Variants in KMT2A observed in about 807,000 individuals in gnomAD.
KMT2A encodes the protein lysine methyltransferase 2A.
Under a neutral mutation model 345.3 loss-of-function variants are expected in KMT2A, and 16 were observed. That is an observed-to-expected ratio of 0.05 (90% CI 0.03 to 0.07). The LOEUF (loss-of-function observed/expected upper bound fraction) is 0.07, where lower values mean the gene tolerates loss of function less well. Among genes scored for constraint, KMT2A ranks in the 10% least tolerant of loss-of-function variants. The pLI is 1.00. For missense variants in KMT2A, 3,272 were observed against 4,841.6 expected (o/e 0.68, Z 9.62); for synonymous variants, 1,599 against 1,778.6 (o/e 0.90, Z 2.54).
Position 118,489,780 on chromosome 11 carries a change from A to G in KMT2A, c.4480-12A>G, listed in dbSNP as rs1269832077. ...ATGATGCTTATCTTTTTGCCATTATATTTTCTTACAGCAGCTGCTGGAGTG... is the reference window on the plus strand; with the variant it reads ...ATGATGCTTATCTTTTTGCCATTATGTTTTCTTACAGCAGCTGCTGGAGTG... On this transcript the variant is annotated splice_polypyrimidine_tract_variant and intron_variant, in intron 11 of 35. Transcript: ENST00000534358. The G allele has an allele frequency of 1.2e-6, 2 of 1,612,684 alleles. No homozygotes were observed. The highest frequency in any genetic ancestry group is 2.2e-5 in the East Asian group (1 of 44,876).
At chr11:118,458,046 C>T (rs1949680018) in intron 1 of KMT2A, 4 of 271,110 alleles carry the variant, frequency 1.5e-5, no homozygotes, top group South Asian at 8.7e-5. Flanking sequence ...AGGGCATTCT[C>T]CCTATGCATT....
chr11:118,485,025 C>T, intron 10 of KMT2A, 50 bp downstream of exon 10: 1 of 1,123,734 alleles, frequency 8.9e-7, no homozygotes. Flanking sequence ...AATTATTTTT[C>T]TGTGGATGAA....
chr11:118,493,017 T>A lies in KMT2A; in HGVS notation c.5005-40T>A. On this transcript the variant is annotated intron_variant, in intron 15 of 35. Coordinates refer to ENST00000534358, the MANE Select transcript of KMT2A (RefSeq NM_001197104.2). The surrounding 1 kb of genome is among the most constrained non-coding windows in gnomAD (Gnocchi z 5.8). Reference sequence around the variant, plus strand: ...TAGAATTTACATGGACACCTTGGTTTTAGTGTTAGATAAAAGCAACATATC... The same window carrying A: ...TAGAATTTACATGGACACCTTGGTTATAGTGTTAGATAAAAGCAACATATC... The A allele has an allele frequency of 6.4e-7, 1 of 1,553,838 alleles. No individual in the cohort carries two copies. Among genetic ancestry groups the A allele is most frequent in the African/African-American group, 1.4e-5 (1 of 73,424 alleles).
At chr11:118,442,243 A>G (rs1949329774) in intron 1 of KMT2A, among the ~76,000 whole-genome samples, 3 of 152,204 alleles carry the variant, frequency 2.0e-5, no homozygotes, top group Admixed American at 1.3e-4. Context: ...AGAAGGGGGA[A>G]GCTTTGTGAC....
At chr11:118,462,725 A>AT (rs1949769086) in intron 1 of KMT2A, among the ~76,000 whole-genome samples, 1 of 151,782 alleles carries the variant, frequency 6.6e-6, no homozygotes, top group Non-Finnish European at 1.5e-5. Flanking sequence ...CGCCCGGCTA[A>AT]TTTTTTTGTA....
intron 31 of KMT2A, among the ~76,000 whole-genome samples, chr11:118,512,910 C>T (rs1591296551): frequency 6.6e-6 from 1 of 151,700 alleles, no homozygotes; most frequent in East Asian, 1.9e-4. Context: ...AGGCAGCATA[C>T]AAACTTATTA....
intron 1 of KMT2A, among the ~76,000 whole-genome samples, chr11:118,466,948 ATGCAGGAGGCTGAGGCAGGAGTATCACT>A (rs1949855593): frequency 6.6e-6 from 1 of 152,178 alleles, no homozygotes; most frequent in Non-Finnish European, 1.5e-5. Flanking sequence ...AGTCCGAGCT[ATGCAGGAGGCTGAGGCAGGAGTATCACT>A]TGAGACCAGG....
intron 1 of KMT2A, among the ~76,000 whole-genome samples, chr11:118,454,461 T>C (rs1285141369): frequency 1.3e-5 from 2 of 152,348 alleles, no homozygotes; most frequent in East Asian, 3.9e-4. Context: ...TCTGACTTTT[T>C]CTCATTTAGG....
chr11:118,515,934 C>A (rs1950804652), intron 31 of KMT2A, among the ~76,000 whole-genome samples: 1 of 152,042 alleles, frequency 6.6e-6, no homozygotes, highest in Admixed American at 6.6e-5. Flanking sequence ...GTAATCTACC[C>A]ACCTTGGCCT....
At chr11:118,445,809 C>A (rs1377522146) in intron 1 of KMT2A, among the ~76,000 whole-genome samples, 1 of 152,150 alleles carries the variant, frequency 6.6e-6, no homozygotes, top group Admixed American at 6.5e-5. Context: ...TCGAGACCAG[C>A]CTGGCTAACA....
At chr11:118,465,357 T>C (rs1949824388) in intron 1 of KMT2A, among the ~76,000 whole-genome samples, 1 of 152,180 alleles carries the variant, frequency 6.6e-6, no homozygotes, top group African/African-American at 2.4e-5. Flanking sequence ...ATGGGCTAAA[T>C]AGCTGGTATC....
chr11:118,462,735 A>AT (rs1245363404), intron 1 of KMT2A, among the ~76,000 whole-genome samples: 10 of 151,074 alleles, frequency 6.6e-5, no homozygotes, highest in East Asian at 5.9e-4. Flanking sequence ...ATTTTTTTGT[A>AT]TTTTTTTTAG....
rs1451782829 is a variant in KMT2A at position 118,503,882 on chromosome 11, G to A, written c.7990G>A (p.Ala2664Thr). 1.2e-6 allele frequency: 2 copies of A among 1,614,120 alleles called. No individual in the cohort carries two copies. The highest frequency in any genetic ancestry group is 1.7e-6 in the Non-Finnish European group (2 of 1,180,052). Residue 2664 changes from alanine (A) to threonine (T), a missense_variant, in exon 27 of 36, where the codon GCT (alanine) becomes ACT (threonine). By Grantham distance (58) the Ala-to-Thr change is moderately conservative. Around this residue, in one of 27 missense-constraint regions of KMT2A, gnomAD observed 21 missense variants for 74.6 expected, o/e 0.28. Coordinates refer to ENST00000534358, the MANE Select transcript of KMT2A (RefSeq NM_001197104.2). The surrounding 1 kb of genome is among the most constrained non-coding windows in gnomAD (Gnocchi z 5.3). ...STGKKRGKRS[A>T]EGQVDGADDL... ...TGGGAAGAAGCGAGGCAAGAGATCA[G>A]CTGAAGGACAGGTGGATGGGGCCGA...
chr11:118,511,841 C>T, intron 30 of KMT2A, 110 bp from the exon 31 acceptor site: 1 of 833,660 alleles, frequency 1.2e-6, no homozygotes, highest in Non-Finnish European at 2.0e-6. Context: ...TCTAGGAGGG[C>T]AAGTGTTCAC....
At chr11:118,450,927 C>G (rs1949522765) in intron 1 of KMT2A, among the ~76,000 whole-genome samples, 1 of 152,152 alleles carries the variant, frequency 6.6e-6, no homozygotes, top group African/African-American at 2.4e-5. Context: ...TTATACTTTT[C>G]TTACTGATTG....
chr11:118,481,229 A>T (rs949621062), intron 6 of KMT2A, among the ~76,000 whole-genome samples: 2 of 151,766 alleles, frequency 1.3e-5, no homozygotes, highest in Non-Finnish European at 2.9e-5. Flanking sequence ...AACCATCCCC[A>T]CTTTCCCCCT....
intron 31 of KMT2A, among the ~76,000 whole-genome samples, chr11:118,513,697 A>G (rs1412732598): frequency 6.6e-6 from 1 of 152,082 alleles, no homozygotes; most frequent in Non-Finnish European, 1.5e-5. Context: ...GAATTCCAAC[A>G]TCTTGGGAGG....
intron 3 of KMT2A, among the ~76,000 whole-genome samples, chr11:118,475,134 A>AAAATAAAT (rs556259724): frequency 2.0e-5 from 3 of 152,136 alleles, no homozygotes; most frequent in South Asian, 2.1e-4. Flanking sequence ...TCTCTATCTC[A>AAAATAAAT]AAATAAATAA....
intron 28 of KMT2A, among the ~76,000 whole-genome samples, chr11:118,508,544 C>T (rs551309958): frequency 1.4e-4 from 22 of 152,020 alleles, no homozygotes; most frequent in African/African-American, 4.8e-4. Flanking sequence ...TGAAACCAAC[C>T]TTGGCAACAT....
Sources: gnomAD v4.1 joint callset for allele counts (sites outside exome capture counted in the v4.1 genomes callset) on GRCh38, gnomAD v4.1.1 for gene constraint, gnomAD v4.1.1 regional missense constraint, Gnocchi (gnomAD v3.1) non-coding constraint, MANE v1.5 for transcripts, NCBI Gene and HGNC (gene_info 2026-07-23, HGNC 2026-07-21) for gene names.